The following CTNND2 variants were observed in gnomAD, a reference collection of about 807,000 sequenced individuals.
CTNND2 encodes catenin delta 2.
CTNND2 carries 22 observed loss-of-function variants against 144.4 expected under a neutral mutation model. The ratio of observed to expected loss-of-function variants is 0.15; its 90% CI spans 0.11 to 0.22. CTNND2 has a LOEUF of 0.22. CTNND2 is among the 10% of genes least tolerant of loss of function. The pLI is 1.00. For missense variants in CTNND2, 1,353 were observed against 1,618.8 expected (o/e 0.84, Z 2.82); for synonymous variants, 751 against 695.6 (o/e 1.08, Z -1.25).
chr5:11,866,171 C>T (rs1288532541), intron 1 of CTNND2, among the ~76,000 whole-genome samples: 1 of 152,112 alleles, frequency 6.6e-6, no homozygotes, highest in Admixed American at 6.5e-5. Flanking sequence ...GGTGCAGTGG[C>T]ATATGCCTAT....
rs182665678 is a variant in CTNND2, at chr5:11,341,498, A to G, written c.1628+4874T>C. Reference sequence around the variant, plus strand: ...GTGAATCCAGTATTTCTCCCCTTGGATATTTCCTCAGTTAAATAAATAATT... The same window carrying G: ...GTGAATCCAGTATTTCTCCCCTTGGGTATTTCCTCAGTTAAATAAATAATT... On this transcript the variant is annotated intron_variant, in intron 9 of 21. Transcript: ENST00000304623. Among the ~76,000 whole-genome samples the G allele has an allele frequency of 4.4e-4, 67 of 152,278 alleles. No individual in the cohort carries two copies. The East Asian group carries it at 0.012, about 28-fold the overall frequency.
intron 3 of CTNND2, among the ~76,000 whole-genome samples, chr5:11,459,418 A>G (rs1766009360): frequency 6.6e-6 from 1 of 152,226 alleles, no homozygotes; most frequent in Admixed American, 6.5e-5. Context: ...TCTACTCGGA[A>G]GAATTCAGTG....
chr5:11,449,104 A>C (rs1177864886), intron 3 of CTNND2, among the ~76,000 whole-genome samples: 1 of 151,960 alleles, frequency 6.6e-6, no homozygotes, highest in African/African-American at 2.4e-5. Flanking sequence ...AGGTATCTAA[A>C]ATTTTCATTT....
chr5:11,376,857 C>G (rs186832868), intron 7 of CTNND2, among the ~76,000 whole-genome samples: 4 of 152,314 alleles, frequency 2.6e-5, no homozygotes, highest in African/African-American at 7.2e-5. Flanking sequence ...GCCCCACCCC[C>G]TCAAGCTCAG....
intron 1 of CTNND2, among the ~76,000 whole-genome samples, chr5:11,851,681 G>A (rs6870677): frequency 0.29 from 44,791 of 152,144 alleles, 6,719 homozygotes; most frequent in Non-Finnish European, 0.31. Flanking sequence ...TGTATTTTGG[G>A]GAGTTTGCTT....
At chr5:11,635,839 G>A (rs1192353242) in intron 2 of CTNND2, among the ~76,000 whole-genome samples, 1 of 152,052 alleles carries the variant, frequency 6.6e-6, no homozygotes, top group Non-Finnish European at 1.5e-5. Flanking sequence ...TCTACTAGCA[G>A]ATCAGCTCCC....
chr5:11,270,471 T>TAA (rs34326518), intron 9 of CTNND2, among the ~76,000 whole-genome samples: 21 of 144,504 alleles, frequency 1.5e-4, no homozygotes, highest in African/African-American at 5.4e-4. Context: ...AACAATGTGG[T>TAA]AAAAAAAAAA....
At chr5:10,986,412 A>G (rs17772716) in intron 20 of CTNND2, among the ~76,000 whole-genome samples, 59,560 of 152,036 alleles carry the variant, frequency 0.39, 12,058 homozygotes, top group African/African-American at 0.49. Context: ...ATCTCAGTGT[A>G]TCATCCCAGA....
intron 9 of CTNND2, among the ~76,000 whole-genome samples, chr5:11,268,429 C>T (rs1745668693): frequency 6.6e-6 from 1 of 151,930 alleles, no homozygotes; most frequent in Non-Finnish European, 1.5e-5. Context: ...CTAAAAAGTA[C>T]AAAAAATTAG....
At position 11,327,951 on chromosome 5, in the gene CTNND2, T is replaced by C. The variant is rs557351288; in HGVS notation, c.1628+18421A>G. ...AGTCTAGTGTTTGTAATTTTTTAAG[T>C]ACAATAATATATTTTATGGAAAAAT... On this transcript the variant is annotated intron_variant, in intron 9 of 21. Transcript: ENST00000304623. Among the ~76,000 whole-genome samples, 6 of 152,322 alleles carry C rather than the reference T, an allele frequency of 3.9e-5. No homozygotes were observed. The East Asian group carries it at 9.7e-4, about 25-fold the overall frequency.
rs992598085 is a variant in CTNND2 at position 11,590,286 on chromosome 5, G to A, written c.175-25230C>T. Among the ~76,000 whole-genome samples, 6 of 152,094 alleles carry A rather than the reference G, an allele frequency of 3.9e-5. No homozygotes were observed. The East Asian group carries it at 5.8e-4, about 15-fold the overall frequency. The stretch of plus-strand genomic sequence containing the variant: ...TCTTGATCTCCTGACCTCGTGATCC[G>A]CCTGCCTTGGCCTCCCGAAGTGCTG... On this transcript the variant is annotated intron_variant, in intron 2 of 21. Transcript: ENST00000304623.
chr5:11,373,237 C>T (rs904625335), intron 7 of CTNND2, among the ~76,000 whole-genome samples: 1 of 152,120 alleles, frequency 6.6e-6, no homozygotes, highest in African/African-American at 2.4e-5. Context: ...GAGCATCTTT[C>T]TATCTCTAGG....
rs144956326 is a variant in CTNND2, at chr5:11,406,703, C to T, written c.439+4833G>A. Among the ~76,000 whole-genome samples the T allele has an allele frequency of 3.2e-3, 479 of 152,034 alleles. 22 individuals carry two copies. In the East Asian group the frequency reaches 0.083, roughly 26 times the overall value. On this transcript the variant is annotated intron_variant, in intron 5 of 21. Coordinates refer to ENST00000304623, the MANE Select transcript of CTNND2 (RefSeq NM_001332.4). Reference sequence around the variant, plus strand: ...AAGTCAACAGTGAATAATATATTTGCCTCTGTTAAACTATATATGATTATT... The same window carrying T: ...AAGTCAACAGTGAATAATATATTTGTCTCTGTTAAACTATATATGATTATT...
At chr5:11,263,885 T>C (rs1317082226) in intron 9 of CTNND2, among the ~76,000 whole-genome samples, 1 of 152,188 alleles carries the variant, frequency 6.6e-6, no homozygotes, top group Non-Finnish European at 1.5e-5. Context: ...GTCCCAGGTG[T>C]GGTGTGAATA....
chr5:10,991,104 C>G (rs1368284968), intron 19 of CTNND2, among the ~76,000 whole-genome samples: 1 of 152,200 alleles, frequency 6.6e-6, no homozygotes, highest in Non-Finnish European at 1.5e-5. Context: ...GGTTCCTGAT[C>G]GTCACCCAGG....
At chr5:11,529,181 T>C (rs31781) in intron 3 of CTNND2, among the ~76,000 whole-genome samples, 70,967 of 152,016 alleles carry the variant, frequency 0.47, 16,638 homozygotes, top group Middle Eastern at 0.55. Context: ...GAAGTCTTGA[T>C]CAAAAGGTAG....
At chr5:11,613,279 T>C (rs1345508753) in intron 2 of CTNND2, among the ~76,000 whole-genome samples, 1 of 143,896 alleles carries the variant, frequency 6.9e-6, no homozygotes, top group Non-Finnish European at 1.6e-5. Flanking sequence ...TTCTTCTCCA[T>C]AATTTTGTAG....
intron 15 of CTNND2, among the ~76,000 whole-genome samples, chr5:11,089,491 C>T (rs539992415): frequency 6.6e-6 from 1 of 152,296 alleles, no homozygotes; most frequent in Admixed American, 6.5e-5. Context: ...GAGTCATATT[C>T]ATCTATTTAT....
chr5:11,170,757 T>C (rs1224753881), intron 11 of CTNND2, among the ~76,000 whole-genome samples: 1 of 152,210 alleles, frequency 6.6e-6, no homozygotes, highest in Non-Finnish European at 1.5e-5. Flanking sequence ...ATTAGTCCAT[T>C]TTCATACTGC....
Sources: allele counts gnomAD v4.1 joint callset (sites outside exome capture counted in the v4.1 genomes callset), GRCh38; gene constraint gnomAD v4.1.1; transcripts MANE v1.5; gene names NCBI Gene and HGNC (gene_info 2026-07-23, HGNC 2026-07-21).